TAFA2: variants seen among roughly 807,000 people sequenced by gnomAD.
TAFA2 encodes TAFA chemokine like family member 2, also known as chemokine-like protein TAFA-2.
A neutral mutation model predicts 18.8 loss-of-function variants in TAFA2; 7 were observed. The observed-to-expected ratio is 0.37, with a 90% confidence interval of 0.21 to 0.70. The LOEUF (loss-of-function observed/expected upper bound fraction) is 0.70, where lower values mean the gene tolerates loss of function less well. TAFA2 is among the 30% of genes least tolerant of loss of function. TAFA2 has a pLI of 0.53. For synonymous variants in TAFA2, 60 were observed against 54.2 expected, an observed-to-expected ratio of 1.11 and a Z score of -0.47; for missense variants, 122 against 158.1, an observed-to-expected ratio of 0.77 and a Z score of 1.23.
At chr12:61,923,404 A>G (rs1877142569) in intron 1 of TAFA2, among the ~76,000 whole-genome samples, 2 of 152,206 alleles carry the variant, frequency 1.3e-5, no homozygotes, top group African/African-American at 4.8e-5. Context: ...ACAGGTAGCA[A>G]TCTTTGCTGT....
intron 1 of TAFA2, among the ~76,000 whole-genome samples, chr12:62,063,681 C>A (rs1376585788): frequency 6.6e-6 from 1 of 152,094 alleles, no homozygotes; most frequent in South Asian, 2.1e-4. Flanking sequence ...CAAATGAACA[C>A]CAGGTGGTTT....
intron 1 of TAFA2, among the ~76,000 whole-genome samples, chr12:62,157,336 AT>A (rs1398481415): frequency 1.3e-5 from 2 of 152,194 alleles, no homozygotes; most frequent in Non-Finnish European, 2.9e-5. Context: ...CTCTTTGACA[AT>A]ATAATTACAG....
chr12:62,196,335 T>C (rs867304155), upstream of TAFA2, among the ~76,000 whole-genome samples: 8 of 152,206 alleles, frequency 5.3e-5, no homozygotes, highest in South Asian at 8.3e-4. Context: ...GAGCAGCACT[T>C]TTCATTTCCT....
intron 1 of TAFA2, among the ~76,000 whole-genome samples, chr12:62,115,531 C>T (rs1869925887): frequency 6.6e-6 from 1 of 152,102 alleles, no homozygotes; most frequent in Admixed American, 6.5e-5. Context: ...AGTCTGTAAG[C>T]TCAGGTGGGC....
chr12:61,719,396 T>C (rs1219873587), intron 4 of TAFA2, among the ~76,000 whole-genome samples: 1 of 152,108 alleles, frequency 6.6e-6, no homozygotes, highest in African/African-American at 2.4e-5. Context: ...GAACCTAATA[T>C]GGGTCTTTTG....
At chr12:62,225,227 A>T (rs2062781089) in intron 1 of TAFA2, among the ~76,000 whole-genome samples, 1 of 152,236 alleles carries the variant, frequency 6.6e-6, no homozygotes, top group Non-Finnish European at 1.5e-5. Flanking sequence ...CCAGAAATTG[A>T]TCAAATATAA....
At chr12:61,981,975 A>G (rs549539309) in intron 1 of TAFA2, among the ~76,000 whole-genome samples, 4 of 152,346 alleles carry the variant, frequency 2.6e-5, no homozygotes, top group African/African-American at 9.6e-5. Flanking sequence ...ATGCTAGTAT[A>G]AAGACACATG....
intron 2 of TAFA2, among the ~76,000 whole-genome samples, chr12:61,785,342 T>TGTGTGC (rs774838370): frequency 7.6e-4 from 115 of 151,010 alleles, no homozygotes; most frequent in African/African-American, 2.7e-3. Context: ...TGTGTGTGTG[T>TGTGTGC]GTGTGTGTGT....
chr12:61,955,043 T>G (rs1274482677), intron 1 of TAFA2, among the ~76,000 whole-genome samples: 1 of 152,132 alleles, frequency 6.6e-6, no homozygotes, highest in East Asian at 1.9e-4. Flanking sequence ...AAGAATATAT[T>G]GAAGTCTTGA....
In TAFA2 at chr12:61,958,280, G is replaced by A. The variant is rs554493309; in HGVS notation, c.-1-90854C>T. On this transcript the variant is annotated intron_variant, in intron 1 of 4. Transcript: ENST00000416284. Reference sequence around the variant, plus strand: ...CAGCTGCCTAGTATTCCAAAGTATGGATATACCCTAGTGCCTTCTTTTCTG... The same window carrying A: ...CAGCTGCCTAGTATTCCAAAGTATGAATATACCCTAGTGCCTTCTTTTCTG... Among the ~76,000 whole-genome samples, 7 of 152,096 alleles carry A rather than the reference G, an allele frequency of 4.6e-5. No homozygotes were observed. In the South Asian group the frequency reaches 1.5e-3, roughly 32 times the overall value.
At chr12:61,923,167 G>A (rs1364754275) in intron 1 of TAFA2, among the ~76,000 whole-genome samples, 1 of 152,198 alleles carries the variant, frequency 6.6e-6, no homozygotes, top group East Asian at 1.9e-4. Context: ...TGTAGGTGCA[G>A]CTTCAGCAGA....
intron 1 of TAFA2, among the ~76,000 whole-genome samples, chr12:62,016,712 G>T (rs1040968024): frequency 6.6e-6 from 1 of 152,074 alleles, no homozygotes; most frequent in African/African-American, 2.4e-5. Context: ...CATTCATACC[G>T]ATAGCAAAAC....
chr12:62,200,785 T>G (rs1328554159), intron 1 of TAFA2, among the ~76,000 whole-genome samples: 1 of 152,224 alleles, frequency 6.6e-6, no homozygotes, highest in Non-Finnish European at 1.5e-5. Context: ...TCTAATTCCG[T>G]GAAGAATGTC....
At chr12:61,729,187 A>T (rs1263893296) in intron 4 of TAFA2, among the ~76,000 whole-genome samples, 1 of 151,978 alleles carries the variant, frequency 6.6e-6, no homozygotes, top group Non-Finnish European at 1.5e-5. Context: ...ATTTTAGATA[A>T]CCTGATGACT....
chr12:62,053,233 T>C (rs1882101521), intron 1 of TAFA2, among the ~76,000 whole-genome samples: 1 of 152,222 alleles, frequency 6.6e-6, no homozygotes, highest in Admixed American at 6.5e-5. Context: ...CCAAGTTTCA[T>C]GTATATTGCT....
chr12:62,215,612 G>T, intron 1 of TAFA2, among the ~76,000 whole-genome samples: 1 of 119,236 alleles, frequency 8.4e-6, no homozygotes, highest in East Asian at 2.9e-4. Context: ...TTGCTTAAGA[G>T]AAACAACTCG....
chr12:61,752,021 A>T (rs775098817), intron 4 of TAFA2, among the ~76,000 whole-genome samples: 19 of 152,058 alleles, frequency 1.2e-4, no homozygotes, highest in Non-Finnish European at 2.4e-4. Context: ...TTATTAGTAC[A>T]AAGTACAGGT....
At chr12:61,768,744 G>A (rs1869897587) in intron 2 of TAFA2, among the ~76,000 whole-genome samples, 1 of 152,116 alleles carries the variant, frequency 6.6e-6, no homozygotes, top group African/African-American at 2.4e-5. Context: ...TCTGCCAGTG[G>A]AATTGGAGAA....
At chr12:61,927,285 C>T (rs768210109) in intron 1 of TAFA2, among the ~76,000 whole-genome samples, 1 of 152,050 alleles carries the variant, frequency 6.6e-6, no homozygotes, top group African/African-American at 2.4e-5. Context: ...AGCCCAAAAT[C>T]GCCTTAAGCT....
Sources: gnomAD v4.1 joint callset for allele counts (sites outside exome capture counted in the v4.1 genomes callset) on GRCh38, gnomAD v4.1.1 for gene constraint, MANE v1.5 for transcripts, NCBI Gene and HGNC (gene_info 2026-07-23, HGNC 2026-07-21) for gene names.